The following STK17A variants were observed in gnomAD, a reference collection of about 807,000 sequenced individuals.
STK17A encodes the protein serine/threonine kinase 17a, also known as serine/threonine-protein kinase 17A.
STK17A carries 26 observed loss-of-function variants against 43.7 expected under a neutral mutation model. That is an observed-to-expected ratio of 0.60 (90% CI 0.44 to 0.83). STK17A has a LOEUF of 0.83. Among genes scored for constraint, STK17A ranks in the 40% least tolerant of loss-of-function variants. STK17A has a pLI of 0.00. For synonymous variants in STK17A, 191 were observed against 182.5 expected (o/e 1.05, Z -0.38); for missense variants, 476 against 511.6 (o/e 0.93, Z 0.67).
chr7:43,583,587 A>G, intron 1 of STK17A, 138 bp downstream of exon 1: 3 of 795,534 alleles, frequency 3.8e-6, no homozygotes, highest in Non-Finnish European at 5.1e-6. Context: ...GACTTGGCAC[A>G]AACTTGGGTG....
intron 2 of STK17A, 102 bp from the exon 3 acceptor site, chr7:43,608,154 T>G: frequency 8.6e-7 from 1 of 1,157,044 alleles, no homozygotes; most frequent in East Asian, 2.5e-5. Context: ...AAAAAAGGTA[T>G]ACAGTTACTG....
intron 4 of STK17A, 113 bp downstream of exon 4, chr7:43,619,836 T>A: frequency 7.5e-7 from 1 of 1,340,160 alleles, no homozygotes; most frequent in Non-Finnish European, 1.0e-6. Context: ...GTTGAAATTC[T>A]ACCATCAGAG....
At chr7:43,594,387 G>A (rs537641012) in intron 1 of STK17A, among the ~76,000 whole-genome samples, 1 of 152,322 alleles carries the variant, frequency 6.6e-6, no homozygotes, top group East Asian at 1.9e-4. Context: ...GGAAAAGAGA[G>A]TGAGGTCTGG....
intron 4 of STK17A, among the ~76,000 whole-genome samples, chr7:43,621,870 CA>C (rs1218640703): frequency 1.0e-5 from 1 of 99,548 alleles, no homozygotes. Context: ...TTCCGTGACT[CA>C]CCTTTTAAAA....
chr7:43,622,107 A>C (rs2083956302), intron 4 of STK17A, among the ~76,000 whole-genome samples: 1 of 152,184 alleles, frequency 6.6e-6, no homozygotes, highest in Non-Finnish European at 1.5e-5. Flanking sequence ...AGCACATAAT[A>C]AGCACTCAAA....
At chr7:43,615,472 C>T (rs2083261884) in intron 3 of STK17A, among the ~76,000 whole-genome samples, 2 of 151,092 alleles carry the variant, frequency 1.3e-5, no homozygotes, top group South Asian at 4.2e-4. Flanking sequence ...CCACTGCGCC[C>T]AGCCCTTTTG....
intron 2 of STK17A, among the ~76,000 whole-genome samples, chr7:43,601,761 G>T (rs1373666813): frequency 6.6e-6 from 1 of 152,176 alleles, no homozygotes; most frequent in Non-Finnish European, 1.5e-5. Context: ...CATGCTGTGT[G>T]TCCCTCCTCC....
At chr7:43,589,260 A>G (rs2082463564) in intron 1 of STK17A, among the ~76,000 whole-genome samples, 1 of 151,388 alleles carries the variant, frequency 6.6e-6, no homozygotes, top group South Asian at 2.1e-4. Flanking sequence ...AAGATGAAGA[A>G]TAAGTGAGGT....
At chr7:43,620,369 C>T (rs1002739555) in intron 4 of STK17A, among the ~76,000 whole-genome samples, 3 of 152,022 alleles carry the variant, frequency 2.0e-5, no homozygotes, top group Non-Finnish European at 2.9e-5. Flanking sequence ...AGGTTGTGAC[C>T]AGAGATTAGA....
At chr7:43,611,688 C>A (rs1293785137) in intron 3 of STK17A, among the ~76,000 whole-genome samples, 1 of 152,136 alleles carries the variant, frequency 6.6e-6, no homozygotes, top group African/African-American at 2.4e-5. Flanking sequence ...TAAGTATTAG[C>A]CATGCAGAGG....
At chr7:43,614,758 T>C (rs1296944275) in intron 3 of STK17A, among the ~76,000 whole-genome samples, 1 of 152,224 alleles carries the variant, frequency 6.6e-6, no homozygotes, top group Non-Finnish European at 1.5e-5. Context: ...CATTGGTGTA[T>C]CATAGATGCA....
intron 3 of STK17A, among the ~76,000 whole-genome samples, chr7:43,612,562 A>G (rs768877280): frequency 3.4e-4 from 51 of 152,214 alleles, no homozygotes; most frequent in Non-Finnish European, 5.9e-4. Flanking sequence ...CCCAATATGT[A>G]TGGTAATTTT....
intron 2 of STK17A, among the ~76,000 whole-genome samples, chr7:43,605,869 A>G (rs912990658): frequency 1.2e-4 from 18 of 151,776 alleles, no homozygotes; most frequent in African/African-American, 4.3e-4. Flanking sequence ...GGAAGTAGAA[A>G]CTTGCCCTTT....
At chr7:43,608,603 A>C (rs1410123464) in intron 3 of STK17A, 1 of 455,990 alleles carries the variant, frequency 2.2e-6, no homozygotes, top group Non-Finnish European at 3.7e-6. Flanking sequence ...AAAGATACAA[A>C]ATAATACAAT....
rs183178602 is a variant in STK17A, at chr7:43,624,859, G to T, written c.*17G>T. Reference sequence around the variant, plus strand: ...ATCTACTGAGCAATATTTCCCTTTAGAACTTCAAGATTTCTACATTGAAAA... The same window carrying T: ...ATCTACTGAGCAATATTTCCCTTTATAACTTCAAGATTTCTACATTGAAAA... On this transcript the variant is annotated 3_prime_UTR_variant, in exon 7 of 7. Transcript: ENST00000319357. 455 of 1,562,736 alleles carry T rather than the reference G, an allele frequency of 2.9e-4. 3 individuals are homozygous for T. The African/African-American group carries it at 5.9e-3, about 20-fold the overall frequency.
At chr7:43,594,107 G>T (rs1255403054) in intron 1 of STK17A, among the ~76,000 whole-genome samples, 1 of 152,094 alleles carries the variant, frequency 6.6e-6, no homozygotes, top group Non-Finnish European at 1.5e-5. Context: ...TCAACCTTAT[G>T]GGGAGGTGGG....
chr7:43,623,668 G>A (rs2084165551), intron 5 of STK17A, 41 bp from the exon 6 acceptor site: 4 of 1,604,846 alleles, frequency 2.5e-6, no homozygotes, highest in Non-Finnish European at 2.5e-6. Flanking sequence ...CAAGAAATGA[G>A]TATGGTACTA....
At chr7:43,601,111 G>GT (rs1374126500) in intron 2 of STK17A, among the ~76,000 whole-genome samples, 1 of 152,072 alleles carries the variant, frequency 6.6e-6, no homozygotes, top group African/African-American at 2.4e-5. Flanking sequence ...AAAATATTAA[G>GT]TTTAAAAAAG....
At chr7:43,623,464 A>C in intron 4 of STK17A, 108 bp from the exon 5 acceptor site, 1 of 849,286 alleles carries the variant, frequency 1.2e-6, no homozygotes, top group African/African-American at 1.7e-5. Context: ...TTTAGCCCAA[A>C]CGTTGGATAG....
Sources: gnomAD v4.1 joint callset for allele counts (sites outside exome capture counted in the v4.1 genomes callset) on GRCh38, gnomAD v4.1.1 for gene constraint, MANE v1.5 for transcripts, NCBI Gene and HGNC (gene_info 2026-07-23, HGNC 2026-07-21) for gene names.